IL1RL1: variants seen among roughly 807,000 people sequenced by gnomAD.
IL1RL1 encodes interleukin-1 receptor-like 1.
Under a neutral mutation model 50.9 loss-of-function variants are expected in IL1RL1, and 32 were observed. That is an observed-to-expected ratio of 0.63 (90% CI 0.47 to 0.84). The LOEUF is 0.84. IL1RL1 is among the 40% of genes least tolerant of loss of function. IL1RL1 has a pLI of 0.00. For missense variants in IL1RL1, 773 were observed against 662.9 expected (o/e 1.17, Z -1.82); for synonymous variants, 275 against 236.0 (o/e 1.17, Z -1.51).
chr2:102,340,142 A>T lies in IL1RL1; in HGVS notation c.317A>T (p.Lys106Ile). 5 of 1,586,186 alleles carry T rather than the reference A, an allele frequency of 3.2e-6. No individual in the cohort carries two copies. Among genetic ancestry groups the T allele is most frequent in the Non-Finnish European group, 4.3e-6 (5 of 1,166,180 alleles). ...RTGYANVTIY[K>I]KQSDCNVPDY... ...GGATATGCGAATGTCACCATATATAAAAAACAATCAGATTGCAATGTTCCA... is the reference window on the plus strand; with the variant it reads ...GGATATGCGAATGTCACCATATATATAAAACAATCAGATTGCAATGTTCCA... Residue 106 changes from lysine to isoleucine, a missense_variant, in exon 4 of 11, where the codon AAA becomes ATA. Transcript: ENST00000233954.
intron 8 of IL1RL1, 130 bp downstream of exon 8, chr2:102,343,545 TC>T (rs779674454): frequency 5.7e-6 from 9 of 1,572,484 alleles, no homozygotes; most frequent in Non-Finnish European, 7.7e-6. Context: ...CTTCTCTTCT[TC>T]GGGATGTTGT....
At chr2:102,350,462 C>G (rs1050765390) in intron 10 of IL1RL1, among the ~76,000 whole-genome samples, 9 of 152,264 alleles carry the variant, frequency 5.9e-5, no homozygotes, top group Admixed American at 3.3e-4. Context: ...CAATGCATGT[C>G]CTCTGACCTT....
At chr2:102,320,163 C>T (rs768314482) in intron 1 of IL1RL1, among the ~76,000 whole-genome samples, 5 of 152,172 alleles carry the variant, frequency 3.3e-5, no homozygotes. Context: ...CTGTTTGGTG[C>T]CTATACAATG....
intron 6 of IL1RL1, 104 bp from the exon 7 acceptor site, chr2:102,342,932 G>A (rs1677626964): frequency 1.9e-6 from 2 of 1,059,568 alleles, no homozygotes; most frequent in Non-Finnish European, 2.8e-6. Context: ...GTCCTGGTGG[G>A]GTGCATACTA....
intron 3 of IL1RL1, 180 bp downstream of exon 3, chr2:102,339,227 T>C (rs1677450745): frequency 3.5e-6 from 2 of 571,066 alleles, no homozygotes; most frequent in Non-Finnish European, 6.2e-6. Context: ...GGTTGAGGTC[T>C]AGCTCATTCT....
intron 1 of IL1RL1, among the ~76,000 whole-genome samples, chr2:102,321,488 G>A (rs1209155023): frequency 3.3e-5 from 5 of 152,158 alleles, no homozygotes; most frequent in Non-Finnish European, 2.9e-5. Flanking sequence ...AAGCCCAGTT[G>A]ATGCAGTGTT....
rs542457952 is a variant in IL1RL1 at position 102,332,443 on chromosome 2, A to G, written c.-149-5673A>G. On this transcript the variant is annotated intron_variant, in intron 1 of 10. Coordinates refer to ENST00000233954, the MANE Select transcript of IL1RL1 (RefSeq NM_016232.5). ...GATGAATGGATAAACAAAGTGTGGT[A>G]GGCACACACAGTGGAATATTATTCA... 2.6e-5 allele frequency among the ~76,000 whole-genome samples: 4 copies of G among 152,344 alleles called. No homozygotes were observed. In the East Asian group the frequency reaches 7.7e-4, roughly 29 times the overall value.
intron 5 of IL1RL1, 72 bp downstream of exon 5, chr2:102,340,900 G>T (rs1353696143): frequency 7.1e-6 from 9 of 1,267,508 alleles, no homozygotes; most frequent in Non-Finnish European, 9.7e-6. Context: ...GTGCCCTTCT[G>T]GTTGGGTTTC....
rs758180273 is a variant in IL1RL1, at chr2:102,338,237, C to A, written c.-28C>A. 10 of 1,536,104 alleles carry A rather than the reference C, an allele frequency of 6.5e-6. No homozygotes were observed. The Admixed American group carries it at 8.5e-5, about 13-fold the overall frequency. The stretch of plus-strand genomic sequence containing the variant: ...TGGAGTAATCTCAACAACGAGTTAC[C>A]AATACTTGCTCTTGATTGATAAACA... On this transcript the variant is annotated 5_prime_UTR_variant, in exon 2 of 11. Transcript: ENST00000233954.
chr2:102,337,317 C>A (rs185771771), intron 1 of IL1RL1: 4 of 152,222 alleles, frequency 2.6e-5, no homozygotes, highest in African/African-American at 9.7e-5. Context: ...CCAAGTTCAT[C>A]CCCTCTGTCT....
At position 102,339,062 on chromosome 2, in the gene IL1RL1, GC is replaced by G; in HGVS notation, c.272+16del. 6.3e-7 allele frequency: 1 copy of G among 1,578,150 alleles called. No homozygotes were observed. Among genetic ancestry groups the G allele is most frequent in the African/African-American group, 1.4e-5 (1 of 71,892 alleles). On this transcript the variant is annotated intron_variant, in intron 3 of 10. Coordinates refer to ENST00000233954, the MANE Select transcript of IL1RL1 (RefSeq NM_016232.5). ...ATTGTCAGAAGGTATTATGCAGAAGGCTCCCATCTTCTTTCACCCTGCTCCC... is the reference window on the plus strand; with the variant it reads ...ATTGTCAGAAGGTATTATGCAGAAGGTCCCATCTTCTTTCACCCTGCTCCC...
chr2:102,343,540 C>T (rs1677664327), intron 8 of IL1RL1, 125 bp downstream of exon 8: 1 of 1,577,472 alleles, frequency 6.3e-7, no homozygotes, highest in Non-Finnish European at 8.6e-7. Flanking sequence ...ATGTGCTTCT[C>T]TTCTTCGGGA....
At chr2:102,327,899 G>A (rs1331646068) in intron 1 of IL1RL1, among the ~76,000 whole-genome samples, 1 of 152,156 alleles carries the variant, frequency 6.6e-6, no homozygotes, top group South Asian at 2.1e-4. Context: ...GGACCAGATG[G>A]ATTCACAGCC....
chr2:102,345,367 G>A (rs1677746131), intron 8 of IL1RL1: 6 of 985,400 alleles, frequency 6.1e-6, no homozygotes, highest in Non-Finnish European at 6.0e-6. Flanking sequence ...TTTGCTATAT[G>A]AAGCATTGTA....
chr2:102,344,307 C>T (rs1573159015), intron 8 of IL1RL1: 1 of 508,888 alleles, frequency 2.0e-6, no homozygotes, highest in Non-Finnish European at 2.5e-6. Context: ...TACCATTCAG[C>T]ATGAGATTTG....
rs781781715 is a variant in IL1RL1, at chr2:102,338,975, C to T, written c.200C>T (p.Ala67Val). 6.2e-7 allele frequency: 1 copy of T among 1,613,860 alleles called. No homozygotes were observed. Residue 67 changes from alanine (A) to valine (V), a missense_variant, in exon 3 of 11, where the codon GCC becomes GTC. Transcript: ENST00000233954. ...IPTQERNRVF[A>V]SGQLLKFLPA... Reference sequence around the variant, plus strand: ...ACTCAGGAAAGAAATCGTGTGTTTGCCTCAGGCCAACTTCTGAAGTTTCTA... The same window carrying T: ...ACTCAGGAAAGAAATCGTGTGTTTGTCTCAGGCCAACTTCTGAAGTTTCTA...
At chr2:102,346,418 A>AATATATAGC (rs1677786482) in intron 8 of IL1RL1, among the ~76,000 whole-genome samples, 2 of 152,254 alleles carry the variant, frequency 1.3e-5, no homozygotes, top group Non-Finnish European at 2.9e-5. Context: ...CTATATGTGT[A>AATATATAGC]TACAGAAAGT....
chr2:102,345,247 G>A (rs1047233730), intron 8 of IL1RL1: 4 of 985,422 alleles, frequency 4.1e-6, no homozygotes, highest in Non-Finnish European at 4.8e-6. Flanking sequence ...CTCCCTTGGT[G>A]TGTCTCTGAA....
intron 10 of IL1RL1, among the ~76,000 whole-genome samples, chr2:102,350,895 G>A (rs2105002183): frequency 6.6e-6 from 1 of 152,322 alleles, no homozygotes; most frequent in African/African-American, 2.4e-5. Flanking sequence ...GTTGCAGTGA[G>A]GACTGGGTAT....
Sources: allele counts gnomAD v4.1 joint callset (sites outside exome capture counted in the v4.1 genomes callset), GRCh38; gene constraint gnomAD v4.1.1; transcripts MANE v1.5; gene names NCBI Gene and HGNC (gene_info 2026-07-23, HGNC 2026-07-21).